Variants in CTNNA3 observed in about 807,000 individuals in gnomAD.
CTNNA3 encodes the protein catenin alpha-3.
CTNNA3 carries 76 observed loss-of-function variants against 95.7 expected under a neutral mutation model. The observed-to-expected ratio is 0.79, with a 90% CI of 0.66 to 0.96. The LOEUF (loss-of-function observed/expected upper bound fraction) is 0.96. Among genes scored for constraint, CTNNA3 ranks in the 40% least tolerant of loss-of-function variants. The probability of loss-of-function intolerance (pLI) is 0.00; values close to 1 mark genes in which losing one functional copy is unlikely to be tolerated. For missense variants in CTNNA3, 1,191 were observed against 1,089.8 expected, an observed-to-expected ratio of 1.09 and a Z score of -1.31; for synonymous variants, 431 against 374.4, an observed-to-expected ratio of 1.15 and a Z score of -1.74.
At chr10:66,894,714 C>A (rs947734440) in intron 7 of CTNNA3, among the ~76,000 whole-genome samples, 1 of 151,804 alleles carries the variant, frequency 6.6e-6, no homozygotes, top group Non-Finnish European at 1.5e-5. Context: ...TCTGATAATA[C>A]GTATCACTGA....
chr10:67,114,045 C>T (rs1054171369), intron 7 of CTNNA3, among the ~76,000 whole-genome samples: 4 of 150,138 alleles, frequency 2.7e-5, no homozygotes, highest in Admixed American at 6.7e-5. Context: ...ATCACACCAC[C>T]GCACTTCAGT....
intron 7 of CTNNA3, among the ~76,000 whole-genome samples, chr10:67,079,924 C>T (rs1045582879): frequency 1.3e-5 from 2 of 151,216 alleles, no homozygotes; most frequent in Admixed American, 1.3e-4. Context: ...TAGTCACTAA[C>T]ACACAGCAGC....
intron 2 of CTNNA3, among the ~76,000 whole-genome samples, chr10:67,620,607 A>C (rs535990823): frequency 6.6e-6 from 1 of 152,314 alleles, no homozygotes; most frequent in South Asian, 2.1e-4. Context: ...GATAAACTAA[A>C]GTGTGCTGTG....
At chr10:66,144,144 AG>A (rs1319588674) in intron 13 of CTNNA3, among the ~76,000 whole-genome samples, 1 of 152,134 alleles carries the variant, frequency 6.6e-6, no homozygotes, top group Non-Finnish European at 1.5e-5. Flanking sequence ...TTTTTACTGC[AG>A]CATCTCTAAA....
Position 66,280,519 on chromosome 10 carries a change from T to G in CTNNA3, c.1835A>C (p.Lys612Thr). ...GATATCATGAATTGTATCATAGATC[T>G]TCTTTGAGATGTCCACAAATTGATT... is the stretch of plus-strand genomic sequence containing the variant. Reference protein sequence around the residue: ...DDNQFVDISKKIYDTIHDIRC... With the variant: ...DDNQFVDISKTIYDTIHDIRC... The change falls in exon 13 of 18, where the codon AAG becomes ACG. Residue 612 changes from lysine (K) to threonine (T), a missense_variant. Coordinates refer to ENST00000433211, the MANE Select transcript of CTNNA3 (RefSeq NM_013266.4). The G allele has an allele frequency of 1.2e-6, 2 of 1,609,796 alleles. No homozygotes were observed. Among genetic ancestry groups the G allele is most frequent in the Non-Finnish European group, 1.7e-6 (2 of 1,178,054 alleles).
rs1417733013 is a variant in CTNNA3, at chr10:67,482,423, A to C, written c.579+39419T>G. Among the ~76,000 whole-genome samples the C allele has an allele frequency of 3.3e-4, 50 of 151,912 alleles. No homozygotes were observed. The East Asian group carries it at 8.7e-3, about 27-fold the overall frequency. ...ATTTGTTTGTATCCTCTTTTATTTC[A>C]TTGAGCAGTGGTTTGTAGTTCTCCT... On this transcript the variant is annotated intron_variant, in intron 5 of 17. Coordinates refer to ENST00000433211, the MANE Select transcript of CTNNA3 (RefSeq NM_013266.4).
At chr10:67,250,165 A>T (rs1348747684) in intron 5 of CTNNA3, among the ~76,000 whole-genome samples, 2 of 152,026 alleles carry the variant, frequency 1.3e-5, no homozygotes, top group East Asian at 3.9e-4. Flanking sequence ...TCAACCAAAC[A>T]TGGATCCAAA....
Position 66,103,175 on chromosome 10 carries a change from G to C in CTNNA3, c.1959C>G (p.Thr653=). ...GACATACCCTATCAGTTTTCCCTTC[G>C]GTCTGAATGCTGGTGTGACTGCGGA... ...HEVRSHTSIQ[T]EGKTDRAKMT... Residue 653 remains threonine (T), a synonymous_variant, in exon 14 of 18, where the codon ACC becomes ACG. Transcript: ENST00000433211. 6 of 1,613,818 alleles carry C rather than the reference G, an allele frequency of 3.7e-6. No individual in the cohort carries two copies. Among genetic ancestry groups the C allele is most frequent in the Non-Finnish European group, 5.1e-6 (6 of 1,179,778 alleles).
chr10:67,699,551 AC>A (rs1333216369), upstream of CTNNA3, among the ~76,000 whole-genome samples: 3 of 152,206 alleles, frequency 2.0e-5, no homozygotes, highest in Non-Finnish European at 2.9e-5. Flanking sequence ...CAATGAAGCC[AC>A]CCAGGTACAC....
intron 17 of CTNNA3, among the ~76,000 whole-genome samples, chr10:65,951,020 T>C (rs1272495712): frequency 1.3e-5 from 2 of 152,172 alleles, no homozygotes; most frequent in Non-Finnish European, 2.9e-5. Context: ...CCATGTCAAA[T>C]CAATTCTCAA....
intron 12 of CTNNA3, among the ~76,000 whole-genome samples, chr10:66,365,681 CA>C (rs973316629): frequency 6.6e-6 from 1 of 152,020 alleles, no homozygotes; most frequent in African/African-American, 2.4e-5. Flanking sequence ...TCGCTTCTAA[CA>C]AACTGAATAC....
At chr10:66,579,946 CA>C (rs1843130959) in intron 10 of CTNNA3, among the ~76,000 whole-genome samples, 1 of 151,630 alleles carries the variant, frequency 6.6e-6, no homozygotes, top group Admixed American at 6.6e-5. Context: ...GGTGTGATTT[CA>C]TGTGGATTTC....
chr10:66,753,576 C>G (rs1379706276), intron 9 of CTNNA3, among the ~76,000 whole-genome samples: 1 of 151,546 alleles, frequency 6.6e-6, no homozygotes, highest in Non-Finnish European at 1.5e-5. Context: ...GCAGGAGAAT[C>G]GCTTGAACCT....
At chr10:67,309,336 A>T (rs1038424239) in intron 5 of CTNNA3, among the ~76,000 whole-genome samples, 3 of 152,204 alleles carry the variant, frequency 2.0e-5, no homozygotes. Flanking sequence ...TTACAGCAGC[A>T]TCTCCTGGCT....
chr10:67,508,826 A>T (rs1003431722), intron 5 of CTNNA3, among the ~76,000 whole-genome samples: 1 of 152,178 alleles, frequency 6.6e-6, no homozygotes, highest in Admixed American at 6.6e-5. Flanking sequence ...AGAAAAGAAA[A>T]GAAATGACCC....
At chr10:67,039,580 T>C (rs1854271411) in intron 7 of CTNNA3, among the ~76,000 whole-genome samples, 1 of 152,120 alleles carries the variant, frequency 6.6e-6, no homozygotes, top group South Asian at 2.1e-4. Context: ...AATTATTAGA[T>C]AACTAGCTCA....
chr10:66,468,067 A>G lies in CTNNA3; in HGVS notation c.1531+52550T>C, dbSNP rs193196920. ...AGCATTTACTAAACGTATAACTATT[A>G]TACTATAATAGAGAAAATAGCGATT... On this transcript the variant is annotated intron_variant, in intron 11 of 17. Transcript: ENST00000433211. Among the ~76,000 whole-genome samples the G allele has an allele frequency of 5.2e-3, 789 of 152,194 alleles. 5 individuals carry two copies. The highest frequency in any genetic ancestry group is 0.01 in the Middle Eastern group (3 of 294).
At chr10:67,647,888 C>T (rs891609439) in intron 1 of CTNNA3, among the ~76,000 whole-genome samples, 1 of 150,962 alleles carries the variant, frequency 6.6e-6, no homozygotes, top group Non-Finnish European at 1.5e-5. Context: ...AGCACTGAGG[C>T]AGCCTATGCC....
chr10:67,625,877 GA>G (rs1422986490), intron 2 of CTNNA3, among the ~76,000 whole-genome samples: 1 of 152,120 alleles, frequency 6.6e-6, no homozygotes, highest in Non-Finnish European at 1.5e-5. Flanking sequence ...GGGGAAAAAG[GA>G]AACATTTATA....
Sources: allele counts gnomAD v4.1 joint callset (sites outside exome capture counted in the v4.1 genomes callset), GRCh38; gene constraint gnomAD v4.1.1; transcripts MANE v1.5; gene names NCBI Gene and HGNC (gene_info 2026-07-23, HGNC 2026-07-21).